ACLY: variants seen among roughly 807,000 people sequenced by gnomAD.
The protein encoded by ACLY is ATP citrate lyase.
Under a neutral mutation model 133.0 loss-of-function variants are expected in ACLY, and 41 were observed. The observed-to-expected ratio is 0.31, with a 90% CI of 0.24 to 0.40. The LOEUF is 0.40. Among genes scored for constraint, ACLY ranks in the 10% least tolerant of loss-of-function variants. The pLI, the probability that ACLY is intolerant of heterozygous loss-of-function variation, is 1.00. For synonymous variants in ACLY, 495 were observed against 549.3 expected, an observed-to-expected ratio of 0.90 and a Z score of 1.38; for missense variants, 1,046 against 1,453.8, an observed-to-expected ratio of 0.72 and a Z score of 4.56.
chr17:41,891,854 T>C (rs893345040), intron 16 of ACLY, among the ~76,000 whole-genome samples: 3 of 152,096 alleles, frequency 2.0e-5, no homozygotes, highest in Admixed American at 6.6e-5. Flanking sequence ...TGAGTCACCA[T>C]GCCTGGCTTG....
At chr17:41,926,969 C>T (rs1397398033) in intron 1 of ACLY, among the ~76,000 whole-genome samples, 2 of 151,090 alleles carry the variant, frequency 1.3e-5, no homozygotes, top group Non-Finnish European at 3.0e-5. Flanking sequence ...CCCAGGTTCA[C>T]GTGATTCTCC....
intron 1 of ACLY, among the ~76,000 whole-genome samples, chr17:41,929,634 T>G (rs1222382284): frequency 6.6e-6 from 1 of 152,208 alleles, no homozygotes; most frequent in Non-Finnish European, 1.5e-5. Context: ...ATAAAACTCC[T>G]TCAAGCAGGG....
intron 16 of ACLY, among the ~76,000 whole-genome samples, chr17:41,889,903 C>T (rs1598000355): frequency 6.6e-6 from 1 of 152,064 alleles, no homozygotes; most frequent in African/African-American, 2.4e-5. Flanking sequence ...GAACTCCTGA[C>T]CTCAAATGAT....
chr17:41,929,502 CATTT>C (rs1460674782), intron 1 of ACLY, among the ~76,000 whole-genome samples: 26 of 152,290 alleles, frequency 1.7e-4, no homozygotes, highest in African/African-American at 6.0e-4. Context: ...CTGAATCATT[CATTT>C]GCCTGGGTTT....
At chr17:41,920,779 C>T (rs560071938), upstream of ACLY, among the ~76,000 whole-genome samples, 9 of 151,968 alleles carry the variant, frequency 5.9e-5, no homozygotes, top group Admixed American at 4.6e-4. Flanking sequence ...AAAGACCGGG[C>T]GTGGTGATTC....
At chr17:41,909,200 A>G (rs1435837157) in intron 5 of ACLY, 132 bp from the exon 6 acceptor site, 8 of 738,424 alleles carry the variant, frequency 1.1e-5, no homozygotes, top group Admixed American at 4.1e-5. Context: ...TGGCCCTTCC[A>G]TCTCCTCTGC....
At position 41,878,874 on chromosome 17, in the gene ACLY, T is replaced by G; in HGVS notation, c.2316A>C (p.Ala772=). 6.2e-6 allele frequency: 10 copies of G among 1,614,118 alleles called. No homozygotes were observed. Among genetic ancestry groups the G allele is most frequent in the Non-Finnish European group, 8.5e-6 (10 of 1,180,000 alleles). Residue 772 remains alanine (A), a synonymous_variant, in exon 21 of 29, where the codon GCA becomes GCC. Transcript: ENST00000352035. The part of the protein sequence containing the change: ...GACANQASET[A]VAKNQALKEA... ...CCTTCAAAGCCTGGTTCTTGGCTAC[T>G]GCAGTTTCAGAAGCCTGGTTGGCAC...
intron 1 of ACLY, among the ~76,000 whole-genome samples, chr17:41,918,674 G>A (rs1214416314): frequency 6.6e-6 from 1 of 152,208 alleles, no homozygotes; most frequent in Non-Finnish European, 1.5e-5. Context: ...TGTGTCGCGC[G>A]GGGGGAGGGG....
intron 8 of ACLY, among the ~76,000 whole-genome samples, chr17:41,905,992 G>C (rs1352182032): frequency 6.6e-6 from 1 of 152,218 alleles, no homozygotes; most frequent in African/African-American, 2.4e-5. Context: ...CCAAGAGAAA[G>C]TGTGCTGCAG....
chr17:41,923,673 T>C (rs782632216), upstream of ACLY, among the ~76,000 whole-genome samples: 10 of 152,236 alleles, frequency 6.6e-5, no homozygotes, highest in Non-Finnish European at 1.0e-4. Flanking sequence ...AAGCATTCAC[T>C]GTAAACATGA....
Position 41,878,196 on chromosome 17 carries a change from C to T in ACLY, c.2394G>A (p.Gln798=). 6.4e-7 allele frequency: 1 copy of T among 1,564,590 alleles called. No homozygotes were observed. Among genetic ancestry groups the T allele is most frequent in the Non-Finnish European group, 8.6e-7 (1 of 1,158,572 alleles). Reference sequence around the variant, plus strand: ...TGGCCACGAGATCTTCGTATACAGACCTGGGAGGCAGGAAAAAAAAGACAT... The same window carrying T: ...TGGCCACGAGATCTTCGTATACAGATCTGGGAGGCAGGAAAAAAAAGACAT... The part of the protein sequence containing the change: ...RSFDELGEII[Q]SVYEDLVANG... Residue 798 remains glutamine, a splice_region_variant and synonymous_variant, in exon 22 of 29, where the codon CAG becomes CAA. Transcript: ENST00000352035.
intron 22 of ACLY, among the ~76,000 whole-genome samples, chr17:41,875,078 G>C (rs1555625819): frequency 6.6e-6 from 1 of 152,108 alleles, no homozygotes; most frequent in East Asian, 1.9e-4. Context: ...GCAGGGCACA[G>C]TGGCTTATGC....
chr17:41,885,157 G>A (rs2049017606), intron 18 of ACLY, among the ~76,000 whole-genome samples: 1 of 152,166 alleles, frequency 6.6e-6, no homozygotes, highest in Non-Finnish European at 1.5e-5. Context: ...TGGGATTATA[G>A]GCATAAGCCA....
chr17:41,901,671 G>A (rs782325876), intron 11 of ACLY, 25 bp downstream of exon 11: 2 of 1,592,242 alleles, frequency 1.3e-6, no homozygotes, highest in Admixed American at 1.7e-5. Flanking sequence ...CAGGGTGAGG[G>A]GGAGAGAAAA....
intron 10 of ACLY, among the ~76,000 whole-genome samples, chr17:41,904,196 G>GAGGGAGGGAGGAAAGGA (rs1555632136): frequency 8.7e-6 from 1 of 114,972 alleles, no homozygotes; most frequent in Non-Finnish European, 1.8e-5. Flanking sequence ...GAAGGGAGGG[G>GAGGGAGGGAGGAAAGGA]AGGGAGGGAG....
upstream of ACLY, among the ~76,000 whole-genome samples, chr17:41,919,777 C>A (rs1017213906): frequency 1.5e-4 from 23 of 152,246 alleles, no homozygotes; most frequent in African/African-American, 4.8e-4. Context: ...GCTGTCTCCC[C>A]CTTCTCCATT....
chr17:41,886,620 T>C (rs2049053760), intron 17 of ACLY, among the ~76,000 whole-genome samples: 1 of 152,156 alleles, frequency 6.6e-6, no homozygotes, highest in Admixed American at 6.5e-5. Flanking sequence ...ACTAGCTCCA[T>C]TTTTTTAATA....
rs782538228 is a variant in ACLY at position 41,897,751 on chromosome 17, T to C, written c.1427A>G (p.Gln476Arg). 3 of 1,613,482 alleles carry C rather than the reference T, an allele frequency of 1.9e-6. No individual in the cohort carries two copies. The highest frequency in any genetic ancestry group is 2.2e-5 in the South Asian group (2 of 90,892). ...PAKKAKPAMP[Q>R]DSVPSPRSLQ... ...TGCCTGAAGCCTCAGGGAGTTACCT[T>C]GTGGCATGGCAGGCTTGGCCTTCTT... The change falls in exon 13 of 29, where the codon CAA (glutamine) becomes CGA (arginine). Residue 476 changes from glutamine to arginine, a missense_variant and splice_region_variant. Transcript: ENST00000352035.
Position 41,912,538 on chromosome 17 carries a change from A to C in ACLY, c.164T>G (p.Leu55Trp). The C allele has an allele frequency of 1.2e-6, 2 of 1,614,114 alleles. No homozygotes were observed. Among genetic ancestry groups the C allele is most frequent in the Non-Finnish European group, 1.7e-6 (2 of 1,179,978 alleles). The change falls in exon 3 of 29, where the codon TTG becomes TGG. Residue 55 changes from leucine to tryptophan, a missense_variant. Leu to Trp is a moderately conservative substitution (Grantham distance 61). Transcript: ENST00000352035. ...GATCAGCTGGTCTGGCTTGACTACC[A>C]AGTTCTGGAACAAAAGCGGTTTGTA... ...QDHPWLLSQN[L>W]VVKPDQLIKR...
Sources: gnomAD v4.1 joint callset for allele counts (sites outside exome capture counted in the v4.1 genomes callset) on GRCh38, gnomAD v4.1.1 for gene constraint, MANE v1.5 for transcripts, NCBI Gene and HGNC (gene_info 2026-07-23, HGNC 2026-07-21) for gene names.